Variants in ROBO1 observed in about 807,000 individuals in gnomAD.
ROBO1 encodes roundabout homolog 1.
A neutral mutation model predicts 195.9 loss-of-function variants in ROBO1; 149 were observed. The ratio of observed to expected loss-of-function variants is 0.76; its 90% CI spans 0.67 to 0.87. The LOEUF (loss-of-function observed/expected upper bound fraction) is 0.87. ROBO1 is among the 40% of genes least tolerant of loss of function. ROBO1 has a pLI of 0.00. For synonymous variants in ROBO1, 816 were observed against 733.2 expected, an observed-to-expected ratio of 1.11 and a Z score of -1.82; for missense variants, 1,933 against 2,068.3, an observed-to-expected ratio of 0.93 and a Z score of 1.27.
intron 2 of ROBO1, among the ~76,000 whole-genome samples, chr3:79,569,649 G>A (rs1293114538): frequency 7.5e-6 from 1 of 133,590 alleles, no homozygotes; most frequent in African/African-American, 3.3e-5. Context: ...ATAGATATGT[G>A]TGTGTGTGTG....
intron 2 of ROBO1, among the ~76,000 whole-genome samples, chr3:79,405,178 T>C (rs1010895164): frequency 7.2e-5 from 11 of 152,154 alleles, no homozygotes; most frequent in Non-Finnish European, 1.3e-4. Flanking sequence ...AAAGAAAATA[T>C]AGAACACTTT....
chr3:79,221,327 G>C (rs899164182), intron 2 of ROBO1, among the ~76,000 whole-genome samples: 1 of 152,030 alleles, frequency 6.6e-6, no homozygotes, highest in Non-Finnish European at 1.5e-5. Context: ...AACTGGGTCA[G>C]TAATTGAAGA....
intron 2 of ROBO1, among the ~76,000 whole-genome samples, chr3:79,302,180 C>A (rs1168300926): frequency 6.6e-6 from 1 of 152,184 alleles, no homozygotes; most frequent in Non-Finnish European, 1.5e-5. Context: ...TCTAATCAAC[C>A]TCTGCTCTCT....
At chr3:78,609,929 C>T (rs1378250705) in intron 28 of ROBO1, among the ~76,000 whole-genome samples, 1 of 152,072 alleles carries the variant, frequency 6.6e-6, no homozygotes, top group Non-Finnish European at 1.5e-5. Context: ...GCATTATATG[C>T]TAAAGCTAAG....
chr3:79,252,621 A>G (rs1025847666), intron 2 of ROBO1, among the ~76,000 whole-genome samples: 6 of 152,162 alleles, frequency 3.9e-5, no homozygotes, highest in Non-Finnish European at 8.8e-5. Flanking sequence ...CAGGGAACTA[A>G]TAAAGCATGT....
intron 12 of ROBO1, 74 bp downstream of exon 12, chr3:78,668,410 C>A: frequency 6.3e-7 from 1 of 1,583,050 alleles, no homozygotes; most frequent in Non-Finnish European, 8.7e-7. Context: ...AGGACATTTA[C>A]TTCATCAATA....
intron 3 of ROBO1, among the ~76,000 whole-genome samples, chr3:78,940,810 G>GT (rs2040088623): frequency 6.6e-6 from 1 of 152,104 alleles, no homozygotes; most frequent in Non-Finnish European, 1.5e-5. Flanking sequence ...TTTGCTCATG[G>GT]TATTTCCCTT....
chr3:78,823,844 A>G (rs1430937382), intron 4 of ROBO1, among the ~76,000 whole-genome samples: 1 of 152,054 alleles, frequency 6.6e-6, no homozygotes, highest in Non-Finnish European at 1.5e-5. Flanking sequence ...TTATCAGAGT[A>G]TGAATTTCTT....
At chr3:78,932,191 AG>A (rs1414240225) in intron 4 of ROBO1, among the ~76,000 whole-genome samples, 1 of 152,180 alleles carries the variant, frequency 6.6e-6, no homozygotes, top group Non-Finnish European at 1.5e-5. Flanking sequence ...TCTGATGATA[AG>A]GCTTCAGAGA....
chr3:78,627,478 T>C lies in ROBO1; in HGVS notation c.3718A>G (p.Thr1240Ala), dbSNP rs1575800334. 2 of 1,612,512 alleles carry C rather than the reference T, an allele frequency of 1.2e-6. No homozygotes were observed. Among genetic ancestry groups the C allele is most frequent in the African/African-American group, 1.3e-5 (1 of 74,788 alleles). Residue 1240 changes from threonine to alanine, a missense_variant, in exon 26 of 31, where the codon ACT (threonine) becomes GCT (alanine). By Grantham distance (58) the Thr-to-Ala change is moderately conservative. Around this residue, in one of 3 missense-constraint regions of ROBO1, gnomAD observed 1,737 missense variants for 1,882.5 expected, o/e 0.92. Coordinates refer to ENST00000464233, the MANE Select transcript of ROBO1 (RefSeq NM_002941.4). ...LEEEEDERGP[T>A]PPVRGAASSP... is the part of the protein sequence containing the mutation. ...GAAGCTGCTCCCCGAACAGGGGGAG[T>C]GGGGCCTCGTTCATCTTCCTCCTCT...
chr3:79,453,842 A>G (rs2039524529), intron 2 of ROBO1, among the ~76,000 whole-genome samples: 1 of 152,134 alleles, frequency 6.6e-6, no homozygotes, highest in South Asian at 2.1e-4. Flanking sequence ...TAATTAGTTC[A>G]TTGTCCTGTA....
At chr3:79,686,726 A>G (rs1576230487) in intron 1 of ROBO1, among the ~76,000 whole-genome samples, 1 of 152,192 alleles carries the variant, frequency 6.6e-6, no homozygotes, top group Non-Finnish European at 1.5e-5. Flanking sequence ...GAGGATACAA[A>G]CAAATGCAAG....
chr3:78,945,275 G>A (rs1389380593), intron 3 of ROBO1, among the ~76,000 whole-genome samples: 1 of 152,160 alleles, frequency 6.6e-6, no homozygotes. Context: ...CCCCCAGTAG[G>A]GGCGGACTGA....
chr3:79,588,521 A>G (rs1007617565), intron 2 of ROBO1, among the ~76,000 whole-genome samples: 3 of 151,750 alleles, frequency 2.0e-5, no homozygotes, highest in Non-Finnish European at 4.4e-5. Flanking sequence ...GTGTCTATCT[A>G]TAGTTGTAGT....
chr3:78,844,396 G>A (rs1352932229), intron 4 of ROBO1, among the ~76,000 whole-genome samples: 1 of 151,998 alleles, frequency 6.6e-6, no homozygotes, highest in African/African-American at 2.4e-5. Flanking sequence ...TTCCCGCAGA[G>A]TCTCTTGGCC....
intron 3 of ROBO1, among the ~76,000 whole-genome samples, chr3:79,087,182 A>T (rs1205832494): frequency 6.6e-6 from 1 of 152,152 alleles, no homozygotes; most frequent in Non-Finnish European, 1.5e-5. Flanking sequence ...ATCAGAACTT[A>T]GATACACAAC....
intron 2 of ROBO1, among the ~76,000 whole-genome samples, chr3:79,126,006 A>C (rs1038195065): frequency 3.9e-5 from 6 of 152,162 alleles, no homozygotes; most frequent in Admixed American, 3.9e-4. Flanking sequence ...ACCTCATATG[A>C]GGCAGGGAGG....
chr3:79,706,502 G>T (rs1947773667), intron 1 of ROBO1, among the ~76,000 whole-genome samples: 1 of 151,956 alleles, frequency 6.6e-6, no homozygotes, highest in Admixed American at 6.6e-5. Context: ...ATCCTATTTT[G>T]TAATAGATAT....
intron 2 of ROBO1, among the ~76,000 whole-genome samples, chr3:79,406,984 T>A (rs1476364927): frequency 6.6e-6 from 1 of 152,134 alleles, no homozygotes; most frequent in Non-Finnish European, 1.5e-5. Flanking sequence ...AGTGGCACAA[T>A]CTTGGCTCAC....
Sources: gnomAD v4.1 joint callset for allele counts (sites outside exome capture counted in the v4.1 genomes callset) on GRCh38, gnomAD v4.1.1 for gene constraint, gnomAD v4.1.1 regional missense constraint, MANE v1.5 for transcripts, NCBI Gene and HGNC (gene_info 2026-07-23, HGNC 2026-07-21) for gene names.